The following GNB1 variants were observed in gnomAD, a reference collection of about 807,000 sequenced individuals.
The protein encoded by GNB1 is G protein subunit beta 1.
A neutral mutation model predicts 42.9 loss-of-function variants in GNB1; 2 were observed. That is an observed-to-expected ratio of 0.05 (90% confidence interval 0.02 to 0.15). The LOEUF is 0.15. GNB1 is among the 10% of genes least tolerant of loss of function. GNB1 has a pLI of 1.00. For missense variants in GNB1, 193 were observed against 462.2 expected (o/e 0.42, Z 5.34); for synonymous variants, 183 against 174.7 (o/e 1.05, Z -0.38).
intron 1 of GNB1, among the ~76,000 whole-genome samples, chr1:1,853,190 C>T (rs905491771): frequency 3.3e-5 from 5 of 152,080 alleles, no homozygotes; most frequent in Non-Finnish European, 7.4e-5. Flanking sequence ...TGTCTCTATC[C>T]CACCTCTTTT....
Position 1,825,423 on chromosome 1 carries a change from C to T in GNB1, c.31G>A (p.Ala11Thr), listed in dbSNP as rs1436973490. The T allele has an allele frequency of 1.9e-6, 3 of 1,612,836 alleles. No individual in the cohort carries two copies. Among genetic ancestry groups the T allele is most frequent in the African/African-American group, 2.7e-5 (2 of 74,912 alleles). MSELDQLRQE[A>T]EQLKNQIRDA... is the part of the protein sequence containing the mutation. ...CGAATCTGGTTCTTAAGTTGCTCGG[C>T]CTCCTGCCGTAACTGGTCAAGCTCA... is the stretch of plus-strand genomic sequence containing the variant. Residue 11 changes from alanine (A) to threonine (T), a missense_variant, in exon 3 of 12, where the codon GCC (alanine) becomes ACC (threonine). Ala to Thr is a moderately conservative substitution (Grantham distance 58). This residue lies in a region of GNB1 where 43 missense variants were observed against 51.5 expected (regional missense o/e 0.84). Transcript: ENST00000378609.
At chr1:1,842,511 G>A (rs1037173017) in intron 1 of GNB1, among the ~76,000 whole-genome samples, 5 of 151,464 alleles carry the variant, frequency 3.3e-5, no homozygotes, top group Non-Finnish European at 7.4e-5. Context: ...CTAAGTGACA[G>A]ATGCCATACA....
intron 1 of GNB1, among the ~76,000 whole-genome samples, chr1:1,846,499 G>A (rs946880855): frequency 3.9e-5 from 6 of 152,098 alleles, no homozygotes; most frequent in African/African-American, 1.4e-4. Flanking sequence ...CCCAGGAGAC[G>A]GAGGTTGCAG....
intron 1 of GNB1, among the ~76,000 whole-genome samples, chr1:1,874,984 A>G (rs1352228007): frequency 1.3e-5 from 2 of 152,114 alleles, no homozygotes; most frequent in East Asian, 1.9e-4. Flanking sequence ...GATTCTCATA[A>G]GGAGTGCACA....
At chr1:1,810,487 G>A (rs1349380480) in intron 5 of GNB1, among the ~76,000 whole-genome samples, 2 of 146,678 alleles carry the variant, frequency 1.4e-5, no homozygotes, top group Admixed American at 6.9e-5. Context: ...AGTAAGCTAG[G>A]ATCGCACCAC....
intron 4 of GNB1, among the ~76,000 whole-genome samples, chr1:1,817,525 T>C (rs984691405): frequency 1.3e-5 from 2 of 152,218 alleles, no homozygotes; most frequent in African/African-American, 4.8e-5. Context: ...ATATTAGAAA[T>C]AGAAGTTCTG....
At position 1,877,318 on chromosome 1, in the gene GNB1, T is replaced by A. The variant is rs866709544; in HGVS notation, c.-96+13502A>T. On this transcript the variant is annotated intron_variant, in intron 1 of 11. Coordinates refer to ENST00000378609, the MANE Select transcript of GNB1 (RefSeq NM_002074.5). ...TGTCTCAAAAAAAAAAAAAAAAAAA[T>A]ATATATATATATACACACACACACA... Among the ~76,000 whole-genome samples the A allele has an allele frequency of 2.7e-3, 323 of 118,212 alleles. 3 individuals are homozygous for A. The highest frequency in any genetic ancestry group is 0.018 in the South Asian group (70 of 3,884). The allele number at this position is 118,212 out of a possible 152,430, so 77.6% of individuals were successfully genotyped here. A position where few individuals can be genotyped will look rare whatever the true frequency, so the allele number is the denominator to read the frequency against.
At chr1:1,816,072 T>C (rs1244651536) in intron 4 of GNB1, among the ~76,000 whole-genome samples, 2 of 152,208 alleles carry the variant, frequency 1.3e-5, no homozygotes, top group African/African-American at 4.8e-5. Context: ...ATCAGGAACC[T>C]GTGTGCCCTG....
chr1:1,791,170 G>A (rs1646476443), intron 8 of GNB1, among the ~76,000 whole-genome samples: 2 of 89,914 alleles, frequency 2.2e-5, no homozygotes, highest in Admixed American at 3.5e-4. Flanking sequence ...ATCACACCTG[G>A]TATTTTTTTT....
At chr1:1,888,743 CAA>C (rs1436271406) in intron 1 of GNB1, among the ~76,000 whole-genome samples, 1 of 152,090 alleles carries the variant, frequency 6.6e-6, no homozygotes, top group Non-Finnish European at 1.5e-5. Context: ...GAGGCTGAGG[CAA>C]GAGAATCACT....
intron 7 of GNB1, among the ~76,000 whole-genome samples, chr1:1,794,730 C>T (rs1275491887): frequency 6.6e-6 from 1 of 152,154 alleles, no homozygotes; most frequent in East Asian, 1.9e-4. Flanking sequence ...CTCGTGCTGT[C>T]GCCAGGCTGG....
intron 1 of GNB1, among the ~76,000 whole-genome samples, chr1:1,876,634 A>T (rs759614601): frequency 2.0e-5 from 3 of 152,316 alleles, no homozygotes; most frequent in Non-Finnish European, 4.4e-5. Context: ...CCAAAGTGAT[A>T]AGTGTCATAG....
chr1:1,861,636 AG>A (rs1400625898), intron 1 of GNB1, among the ~76,000 whole-genome samples: 7 of 151,680 alleles, frequency 4.6e-5, no homozygotes, highest in Non-Finnish European at 8.8e-5. Flanking sequence ...GGGGCAAGAG[AG>A]GATGTAAGGA....
At chr1:1,849,012 C>G (rs1400371210) in intron 1 of GNB1, among the ~76,000 whole-genome samples, 2 of 152,192 alleles carry the variant, frequency 1.3e-5, no homozygotes, top group African/African-American at 2.4e-5. Context: ...AGAGGCTGGT[C>G]ACCAGAAAGA....
At chr1:1,838,291 C>T (rs1647178174) in intron 2 of GNB1, among the ~76,000 whole-genome samples, 1 of 152,144 alleles carries the variant, frequency 6.6e-6, no homozygotes, top group Admixed American at 6.5e-5. Flanking sequence ...TTTCAAACTT[C>T]AAAGAGTTGC....
chr1:1,851,128 C>T (rs568635414), intron 1 of GNB1, among the ~76,000 whole-genome samples: 6 of 151,684 alleles, frequency 4.0e-5, no homozygotes, highest in African/African-American at 9.7e-5. Flanking sequence ...ATTAGCAAGG[C>T]GCCAGGCGCG....
At chr1:1,845,450 G>A (rs1213561653) in intron 1 of GNB1, among the ~76,000 whole-genome samples, 1 of 152,146 alleles carries the variant, frequency 6.6e-6, no homozygotes, top group Non-Finnish European at 1.5e-5. Flanking sequence ...GCGGGCGCCT[G>A]TAGTCCCAGC....
intron 5 of GNB1, among the ~76,000 whole-genome samples, chr1:1,813,819 T>C (rs1302008645): frequency 6.6e-6 from 1 of 152,190 alleles, no homozygotes; most frequent in Non-Finnish European, 1.5e-5. Flanking sequence ...TTTAAAAGAA[T>C]TTTTGACAAG....
Position 1,787,376 on chromosome 1 carries a change from A to T in GNB1, c.978T>A (p.Ala326=). 1 of 1,613,868 alleles carries T rather than the reference A, an allele frequency of 6.2e-7. No individual in the cohort carries two copies. Among genetic ancestry groups the T allele is most frequent in the Non-Finnish European group, 8.5e-7 (1 of 1,179,780 alleles). ...AGCTATCCCAGGACCCTGTCGCCAC[A>T]GCCATGCCATCGTCAGTCACGCCCA... ...SCLGVTDDGM[A]VATGSWDSFL... is the part of the protein sequence containing the mutation. Residue 326 remains alanine (A), a synonymous_variant, in exon 11 of 12, where the codon GCT becomes GCA. Coordinates refer to ENST00000378609, the MANE Select transcript of GNB1 (RefSeq NM_002074.5). This position sits in a 1 kb window ranked among gnomAD's most constrained non-coding sequence, Gnocchi z 4.4.
Sources: gnomAD v4.1 joint callset for allele counts (sites outside exome capture counted in the v4.1 genomes callset) on GRCh38, gnomAD v4.1.1 for gene constraint, gnomAD v4.1.1 regional missense constraint, Gnocchi (gnomAD v3.1) non-coding constraint, MANE v1.5 for transcripts, NCBI Gene and HGNC (gene_info 2026-07-23, HGNC 2026-07-21) for gene names.